ROR2: variants seen among roughly 807,000 people sequenced by gnomAD.
ROR2 encodes the protein ROR family WNT receptor 2.
A neutral mutation model predicts 74.9 loss-of-function variants in ROR2; 33 were observed. The observed-to-expected ratio is 0.44, with a 90% CI of 0.33 to 0.59. The LOEUF is 0.59. Ranked by LOEUF, ROR2 falls within the 20% of genes least tolerant of loss-of-function variation. The probability of loss-of-function intolerance (pLI) is 0.02; values close to 1 mark genes in which losing one functional copy is unlikely to be tolerated. For synonymous variants in ROR2, 586 were observed against 558.7 expected (o/e 1.05, Z -0.69); for missense variants, 1,216 against 1,313.8 (o/e 0.93, Z 1.15).
At chr9:91,895,332 T>C (rs574045261) in intron 1 of ROR2, among the ~76,000 whole-genome samples, 9 of 152,260 alleles carry the variant, frequency 5.9e-5, no homozygotes, top group Admixed American at 3.3e-4. Context: ...GGTAGACACA[T>C]ATCATTTTAC....
At chr9:91,859,599 G>T (rs1365477843) in intron 1 of ROR2, among the ~76,000 whole-genome samples, 1 of 152,086 alleles carries the variant, frequency 6.6e-6, no homozygotes, top group Non-Finnish European at 1.5e-5. Flanking sequence ...GAGGCAGGCG[G>T]ATCACCAGAA....
chr9:91,749,475 C>G (rs1478929238), intron 4 of ROR2, among the ~76,000 whole-genome samples: 2 of 152,178 alleles, frequency 1.3e-5, no homozygotes, highest in Non-Finnish European at 2.9e-5. Context: ...TAACCTTAAC[C>G]ACCTTTCTAA....
intron 1 of ROR2, among the ~76,000 whole-genome samples, chr9:91,889,119 T>C (rs899336507): frequency 1.3e-5 from 2 of 152,220 alleles, no homozygotes; most frequent in African/African-American, 2.4e-5. Flanking sequence ...TAAATCTTAC[T>C]TTCCAGTGAG....
At chr9:91,753,603 G>A (rs1367082872) in intron 4 of ROR2, among the ~76,000 whole-genome samples, 1 of 152,162 alleles carries the variant, frequency 6.6e-6, no homozygotes, top group African/African-American at 2.4e-5. Flanking sequence ...ACAGGTCTCA[G>A]GGCCAGGGAA....
At chr9:91,731,877 T>C (rs1160512184) in intron 6 of ROR2, among the ~76,000 whole-genome samples, 1 of 152,160 alleles carries the variant, frequency 6.6e-6, no homozygotes, top group Non-Finnish European at 1.5e-5. Context: ...ATTATGCCAC[T>C]GCACTCCAGC....
At chr9:91,941,246 C>G (rs1169352570) in intron 1 of ROR2, among the ~76,000 whole-genome samples, 1 of 152,164 alleles carries the variant, frequency 6.6e-6, no homozygotes, top group East Asian at 1.9e-4. Context: ...ATCCCCCCGC[C>G]TCAGCCTCCA....
chr9:91,914,463 T>G (rs1318063117), intron 1 of ROR2, among the ~76,000 whole-genome samples: 1 of 152,166 alleles, frequency 6.6e-6, no homozygotes, highest in Non-Finnish European at 1.5e-5. Flanking sequence ...ACAAGAGAGC[T>G]GCGGGGAGGT....
chr9:91,733,459 G>T lies in ROR2; in HGVS notation c.623-23C>A. On this transcript the variant is annotated intron_variant, in intron 5 of 8. Transcript: ENST00000375708. This position sits in a 1 kb window ranked among gnomAD's most constrained non-coding sequence, Gnocchi z 5.7. ...CCGCTGCAGAGCCCGCGAGACTCGC[G>T]TTAGCGGGGGACCCACCTTGCGCCC... 1 of 1,602,748 alleles carries T rather than the reference G, an allele frequency of 6.2e-7. No individual in the cohort carries two copies.
intron 1 of ROR2, among the ~76,000 whole-genome samples, chr9:91,935,841 G>T (rs771564583): frequency 2.0e-5 from 3 of 152,352 alleles, no homozygotes; most frequent in Admixed American, 6.5e-5. Flanking sequence ...GAGACAGATG[G>T]GCAGCCTAGC....
chr9:91,822,603 A>G (rs1292075007), intron 1 of ROR2, among the ~76,000 whole-genome samples: 3 of 152,250 alleles, frequency 2.0e-5, no homozygotes, highest in African/African-American at 2.4e-5. Context: ...ACCTGCCATA[A>G]AATTCCTGAT....
At chr9:91,945,914 G>C (rs1041055929) in intron 1 of ROR2, among the ~76,000 whole-genome samples, 4 of 152,168 alleles carry the variant, frequency 2.6e-5, no homozygotes, top group Non-Finnish European at 5.9e-5. Flanking sequence ...CTAGAAAAAG[G>C]CGGCTGCTAC....
At chr9:91,860,038 C>G (rs967905314) in intron 1 of ROR2, among the ~76,000 whole-genome samples, 1 of 152,158 alleles carries the variant, frequency 6.6e-6, no homozygotes, top group Non-Finnish European at 1.5e-5. Flanking sequence ...CAGGCAGGGG[C>G]CTCTCTTGGG....
chr9:91,870,256 T>A (rs928501722), intron 1 of ROR2, among the ~76,000 whole-genome samples: 1 of 152,188 alleles, frequency 6.6e-6, no homozygotes, highest in Non-Finnish European at 1.5e-5. Flanking sequence ...AAATATGAAA[T>A]GTTGTGTTTT....
rs777560660 is a variant in ROR2 at position 91,723,738 on chromosome 9, G to C, written c.2756C>G (p.Ser919Cys). Residue 919 changes from serine (S) to cysteine (C), a missense_variant, in exon 9 of 9, where the codon TCT becomes TGT. Coordinates refer to ENST00000375708, the MANE Select transcript of ROR2 (RefSeq NM_004560.4). ...VQEAEEEEEG[S>C]VPETELLGDC... ...CCCCAGCAGCTCAGTCTCTGGGACAGAGCCTTCCTCCTCCTCCTCTGCTTC... is the reference window on the plus strand; with the variant it reads ...CCCCAGCAGCTCAGTCTCTGGGACACAGCCTTCCTCCTCCTCCTCTGCTTC... 2 of 1,613,842 alleles carry C rather than the reference G, an allele frequency of 1.2e-6. No individual in the cohort carries two copies. Among genetic ancestry groups the C allele is most frequent in the Non-Finnish European group, 1.7e-6 (2 of 1,180,054 alleles).
At chr9:91,780,639 A>G (rs1349840500) in intron 1 of ROR2, among the ~76,000 whole-genome samples, 1 of 151,432 alleles carries the variant, frequency 6.6e-6, no homozygotes, top group African/African-American at 2.4e-5. Flanking sequence ...AAAAATACAA[A>G]AATTAGCCAG....
chr9:91,809,586 G>A (rs1457013475), intron 1 of ROR2, among the ~76,000 whole-genome samples: 3 of 152,230 alleles, frequency 2.0e-5, no homozygotes, highest in Non-Finnish European at 4.4e-5. Flanking sequence ...AGCACCAACC[G>A]GGCAGGTCCA....
chr9:91,800,533 G>A (rs1480906949), intron 1 of ROR2, among the ~76,000 whole-genome samples: 2 of 152,040 alleles, frequency 1.3e-5, no homozygotes, highest in African/African-American at 4.8e-5. Flanking sequence ...TCAAGGAAAG[G>A]AGCAATTTCT....
At chr9:91,831,130 G>A (rs1828454445) in intron 1 of ROR2, among the ~76,000 whole-genome samples, 1 of 151,836 alleles carries the variant, frequency 6.6e-6, no homozygotes, top group Non-Finnish European at 1.5e-5. Context: ...GTGTGGTGGT[G>A]CATGCCTGTA....
At chr9:91,876,261 C>T (rs577822109) in intron 1 of ROR2, among the ~76,000 whole-genome samples, 85 of 151,956 alleles carry the variant, frequency 5.6e-4, no homozygotes, top group African/African-American at 1.9e-3. Flanking sequence ...CCCAGCTACT[C>T]GAGAGACTGA....
Sources: gnomAD v4.1 joint callset for allele counts (sites outside exome capture counted in the v4.1 genomes callset) on GRCh38, gnomAD v4.1.1 for gene constraint, Gnocchi (gnomAD v3.1) non-coding constraint, MANE v1.5 for transcripts, NCBI Gene and HGNC (gene_info 2026-07-23, HGNC 2026-07-21) for gene names.